The following ARPP21 variants were observed in gnomAD, a reference collection of about 807,000 sequenced individuals.
ARPP21 encodes the protein cAMP regulated phosphoprotein 21.
A neutral mutation model predicts 113.2 loss-of-function variants in ARPP21; 69 were observed. The observed-to-expected ratio is 0.61, with a 90% CI of 0.50 to 0.74. The LOEUF (loss-of-function observed/expected upper bound fraction) is 0.74. Among genes scored for constraint, ARPP21 ranks in the 30% least tolerant of loss-of-function variants. The probability of loss-of-function intolerance (pLI) is 0.00; values close to 1 mark genes in which losing one functional copy is unlikely to be tolerated. For missense variants in ARPP21, 1,070 were observed against 1,037.4 expected (o/e 1.03, Z -0.43); for synonymous variants, 368 against 375.5 (o/e 0.98, Z 0.23).
intron 1 of ARPP21, among the ~76,000 whole-genome samples, chr3:35,668,052 A>G (rs180945300): frequency 5.3e-5 from 8 of 152,060 alleles, no homozygotes; most frequent in Admixed American, 4.6e-4. Context: ...AAGAAAGAAG[A>G]AAGTCATAAA....
Position 35,683,778 on chromosome 3 carries a change from C to A in ARPP21, c.224C>A (p.Ser75Tyr). The A allele has an allele frequency of 6.4e-7, 1 of 1,555,828 alleles. No homozygotes were observed. Among genetic ancestry groups the A allele is most frequent in the South Asian group, 1.1e-5 (1 of 89,288 alleles). Residue 75 changes from serine to tyrosine, a missense_variant, in exon 5 of 21, where the codon TCT (serine) becomes TAT (tyrosine). Physicochemically the swap from Ser to Tyr is moderately radical, Grantham distance 144. Transcript: ENST00000684406. ...LTRSLAVCEESSARPGGESLQ... is the reference protein window; with the variant it reads ...LTRSLAVCEEYSARPGGESLQ... ...CGCAGCCTTGCTGTCTGTGAGGAAT[C>A]TTCTGCCAGACCAGGAGGTGAAAGT...
intron 19 of ARPP21, among the ~76,000 whole-genome samples, chr3:35,773,939 T>C (rs1046927519): frequency 1.3e-5 from 2 of 152,076 alleles, no homozygotes; most frequent in South Asian, 4.1e-4. Flanking sequence ...TATCAGGAGG[T>C]ACTGGGGACA....
chr3:35,681,875 C>G lies in ARPP21; in HGVS notation c.124C>G (p.Leu42Val), dbSNP rs558438905. 2 of 1,611,834 alleles carry G rather than the reference C, an allele frequency of 1.2e-6. No individual in the cohort carries two copies. Among genetic ancestry groups the G allele is most frequent in the South Asian group, 2.2e-5 (2 of 90,966 alleles). Residue 42 changes from leucine (L) to valine (V), a missense_variant, in exon 3 of 21, where the codon CTG becomes GTG. Coordinates refer to ENST00000684406, the MANE Select transcript of ARPP21 (RefSeq NM_001385562.1). ...TCTGGATGAAGAGGAGAAACTGGAA[C>G]TGCAGGTGAGTGAGCATGAAGAGAC... ...ESLDEEEKLE[L>V]QRRLEAQNQE...
At chr3:35,737,560 T>A (rs898805389) in intron 16 of ARPP21, among the ~76,000 whole-genome samples, 198 bp downstream of exon 16, 1 of 152,250 alleles carries the variant, frequency 6.6e-6, no homozygotes, top group Non-Finnish European at 1.5e-5. Context: ...GAGTGCCCCA[T>A]GCAGTAACTT....
At chr3:35,691,412 TA>T (rs1472594727) in intron 9 of ARPP21, among the ~76,000 whole-genome samples, 1 of 151,654 alleles carries the variant, frequency 6.6e-6, no homozygotes, top group African/African-American at 2.4e-5. Context: ...TTTAGACATC[TA>T]TCTTATTGTA....
At chr3:35,642,917 C>T (rs1698668846) in intron 1 of ARPP21, among the ~76,000 whole-genome samples, 1 of 152,046 alleles carries the variant, frequency 6.6e-6, no homozygotes, top group Non-Finnish European at 1.5e-5. Context: ...ATAAGCCCTA[C>T]AGATTATCTT....
At chr3:35,648,673 C>T (rs187940087) in intron 1 of ARPP21, among the ~76,000 whole-genome samples, 90 of 152,200 alleles carry the variant, frequency 5.9e-4, no homozygotes, top group African/African-American at 2.1e-3. Context: ...AGACTTCTCT[C>T]GTAACTGAGG....
intron 1 of ARPP21, chr3:35,643,833 G>T (rs1699125274): frequency 6.6e-6 from 1 of 151,956 alleles, no homozygotes; most frequent in Admixed American, 6.6e-5. Flanking sequence ...GTAAGTACTG[G>T]CATCATTCTA....
intron 9 of ARPP21, among the ~76,000 whole-genome samples, chr3:35,693,155 A>G (rs2082746251): frequency 1.3e-5 from 2 of 151,664 alleles, no homozygotes; most frequent in Admixed American, 1.3e-4. Flanking sequence ...TACAACTGCT[A>G]CAACAGGAAG....
intron 15 of ARPP21, among the ~76,000 whole-genome samples, chr3:35,736,174 T>G (rs2150662368): frequency 6.6e-6 from 1 of 152,284 alleles, no homozygotes; most frequent in South Asian, 2.1e-4. Context: ...CCTAATTTCT[T>G]TAGAGTGGAA....
chr3:35,736,040 C>T (rs2094329370), intron 15 of ARPP21, among the ~76,000 whole-genome samples: 1 of 152,302 alleles, frequency 6.6e-6, no homozygotes, highest in Non-Finnish European at 1.5e-5. Context: ...GGATAATTCA[C>T]TTCAGTTATT....
intron 1 of ARPP21, among the ~76,000 whole-genome samples, chr3:35,649,832 C>A (rs1342848143): frequency 1.3e-5 from 2 of 152,138 alleles, no homozygotes; most frequent in African/African-American, 4.8e-5. Context: ...TTTAATCCAA[C>A]TGGACCATTG....
chr3:35,674,540 C>T (rs2077040819), intron 1 of ARPP21, among the ~76,000 whole-genome samples: 1 of 151,784 alleles, frequency 6.6e-6, no homozygotes, highest in South Asian at 2.1e-4. Context: ...TGCCTACCTA[C>T]AAAACCTGGG....
intron 1 of ARPP21, among the ~76,000 whole-genome samples, chr3:35,641,207 T>C (rs961985271): frequency 1.3e-5 from 2 of 152,040 alleles, no homozygotes; most frequent in African/African-American, 4.8e-5. Context: ...TTTCTTTAAG[T>C]TTTTTGATGT....
chr3:35,752,902 G>A (rs1185346348), intron 19 of ARPP21, among the ~76,000 whole-genome samples: 4 of 152,032 alleles, frequency 2.6e-5, no homozygotes, highest in Non-Finnish European at 5.9e-5. Flanking sequence ...ATTACAGCTA[G>A]TATTTAGAAT....
At chr3:35,790,309 A>T (rs548343166) in intron 19 of ARPP21, among the ~76,000 whole-genome samples, 3 of 152,190 alleles carry the variant, frequency 2.0e-5, no homozygotes, top group Non-Finnish European at 4.4e-5. Context: ...TCAGAAGGAA[A>T]TCTGTTGGTT....
intron 9 of ARPP21, among the ~76,000 whole-genome samples, chr3:35,697,032 C>T (rs1386785691): frequency 6.6e-6 from 1 of 151,572 alleles, no homozygotes; most frequent in African/African-American, 2.4e-5. Flanking sequence ...TCCTCTTGCA[C>T]AAGTGTTTTC....
intron 9 of ARPP21, among the ~76,000 whole-genome samples, chr3:35,698,545 C>T (rs927250625): frequency 2.0e-5 from 3 of 151,380 alleles, no homozygotes; most frequent in Non-Finnish European, 4.4e-5. Flanking sequence ...AAAGCTAAGC[C>T]ATTTTAAAGG....
chr3:35,719,843 C>T (rs1419129971), intron 13 of ARPP21, among the ~76,000 whole-genome samples: 3 of 152,132 alleles, frequency 2.0e-5, no homozygotes, highest in Middle Eastern at 3.2e-3. Context: ...TTCACAGTTG[C>T]TAAACAATGA....
Sources: allele counts gnomAD v4.1 joint callset (sites outside exome capture counted in the v4.1 genomes callset), GRCh38; gene constraint gnomAD v4.1.1; transcripts MANE v1.5; gene names NCBI Gene and HGNC (gene_info 2026-07-23, HGNC 2026-07-21).